Variants in CDC5L observed in about 807,000 individuals in gnomAD.
CDC5L encodes the protein cell division cycle 5 like, also known as cell division cycle 5-like protein.
CDC5L carries 18 observed loss-of-function variants against 104.1 expected under a neutral mutation model. That is an observed-to-expected ratio of 0.17 (90% CI 0.12 to 0.26). The LOEUF is 0.26. CDC5L is among the 10% of genes least tolerant of loss of function. CDC5L has a pLI of 1.00. For missense variants in CDC5L, 673 were observed against 956.9 expected (o/e 0.70, Z 3.91); for synonymous variants, 331 against 322.7 (o/e 1.03, Z -0.28).
intron 15 of CDC5L, 117 bp downstream of exon 15, chr6:44,445,984 A>C (rs1163450189): frequency 2.6e-6 from 2 of 772,876 alleles, no homozygotes; most frequent in African/African-American, 3.5e-5. Context: ...CAGGCTTTTA[A>C]AAATGAGAGC....
intron 4 of CDC5L, 50 bp downstream of exon 4, chr6:44,393,623 T>A (rs977587473): frequency 1.3e-6 from 2 of 1,559,792 alleles, no homozygotes; most frequent in Admixed American, 1.9e-5. Flanking sequence ...GTAAACTCCT[T>A]GGGCCTCACT....
intron 6 of CDC5L, among the ~76,000 whole-genome samples, chr6:44,406,014 GC>G (rs1791347930): frequency 6.6e-6 from 1 of 151,654 alleles, no homozygotes; most frequent in South Asian, 2.1e-4. Flanking sequence ...TGATTCTCCT[GC>G]CTCAGCCTCC....
chr6:44,446,764 TAGA>T lies in CDC5L; in HGVS notation c.*56_*58del. ...TAATTAATTGCCGGTTTTCATACTCTAGAAGGCTGAAACTGATGTTTATCTTCA... is the reference window on the plus strand; with the variant it reads ...TAATTAATTGCCGGTTTTCATACTCTAGGCTGAAACTGATGTTTATCTTCA... On this transcript the variant is annotated 3_prime_UTR_variant, in exon 16 of 16. Coordinates refer to ENST00000371477, the MANE Select transcript of CDC5L (RefSeq NM_001253.4). 1 of 868,148 alleles carries T rather than the reference TAGA, an allele frequency of 1.2e-6. No individual in the cohort carries two copies. The highest frequency in any genetic ancestry group is 1.8e-6 in the Non-Finnish European group (1 of 544,374). The allele number at this position is 868,148 out of a possible 1,614,324, so 53.8% of individuals were successfully genotyped here.
At chr6:44,419,321 C>G in intron 8 of CDC5L, 128 bp from the exon 9 acceptor site, 2 of 775,846 alleles carry the variant, frequency 2.6e-6, no homozygotes, top group Non-Finnish European at 4.2e-6. Context: ...TTCATTTTCT[C>G]TGTTAGCTTT....
chr6:44,438,184 G>A (rs1793023032), intron 14 of CDC5L, among the ~76,000 whole-genome samples: 1 of 152,188 alleles, frequency 6.6e-6, no homozygotes, highest in African/African-American at 2.4e-5. Context: ...CTGGGCTCAA[G>A]CGATCCACCT....
At chr6:44,419,323 G>A in intron 8 of CDC5L, 126 bp from the exon 9 acceptor site, 1 of 800,928 alleles carries the variant, frequency 1.2e-6, no homozygotes, top group Non-Finnish European at 2.0e-6. Context: ...CATTTTCTCT[G>A]TTAGCTTTCA....
chr6:44,427,332 GT>G (rs1402764979), intron 13 of CDC5L, among the ~76,000 whole-genome samples: 1 of 152,116 alleles, frequency 6.6e-6, no homozygotes, highest in Non-Finnish European at 1.5e-5. Context: ...CTCCATAATT[GT>G]ATAAGAAGAT....
At chr6:44,406,267 A>T in intron 6 of CDC5L, 56 bp from the exon 7 acceptor site, 1 of 1,276,914 alleles carries the variant, frequency 7.8e-7, no homozygotes, top group Non-Finnish European at 1.1e-6. Flanking sequence ...TATGGATTTT[A>T]ATGTTTTTGG....
chr6:44,401,718 T>C (rs1389050479), intron 5 of CDC5L, among the ~76,000 whole-genome samples: 1 of 151,638 alleles, frequency 6.6e-6, no homozygotes, highest in African/African-American at 2.4e-5. Context: ...GTTAGTTACA[T>C]ATGTATACAT....
rs559360331 is a variant in CDC5L, at chr6:44,429,084, C to T, written c.1894-629C>T. On this transcript the variant is annotated intron_variant, in intron 13 of 15. Coordinates refer to ENST00000371477, the MANE Select transcript of CDC5L (RefSeq NM_001253.4). Reference sequence around the variant, plus strand: ...TTGCACAGGCTGGGGTGCAGTGGCACGATCCCAGCTCACTGCAGCCTCCAC... The same window carrying T: ...TTGCACAGGCTGGGGTGCAGTGGCATGATCCCAGCTCACTGCAGCCTCCAC... Among the ~76,000 whole-genome samples, 26 of 145,922 alleles carry T rather than the reference C, an allele frequency of 1.8e-4. No homozygotes were observed. In the East Asian group the frequency reaches 1.8e-3, roughly 10 times the overall value.
intron 2 of CDC5L, among the ~76,000 whole-genome samples, chr6:44,390,961 CATATTTAATAT>C: frequency 8.2e-6 from 1 of 122,280 alleles, no homozygotes; most frequent in Non-Finnish European, 1.7e-5. Flanking sequence ...ATATATTAAA[CATATTTAATAT>C]GTTATATATT....
In CDC5L at chr6:44,450,315, C is replaced by CA. The variant is rs1793598621; in HGVS notation, c.*3605dup. On this transcript the variant is annotated 3_prime_UTR_variant, in exon 16 of 16. Coordinates refer to ENST00000371477, the MANE Select transcript of CDC5L (RefSeq NM_001253.4). ...TGTACTTACAGAACTTTTGAGTTCA[C>CA]AGTGCTTTCTGGAAATAATTTCTTT... 6.6e-6 allele frequency: 1 copy of CA among 152,188 alleles called. No individual in the cohort carries two copies. The allele number at this position is 152,188 out of a possible 1,614,324, so 9.4% of individuals were successfully genotyped here.
At chr6:44,410,244 A>C (rs929107839) in intron 8 of CDC5L, among the ~76,000 whole-genome samples, 1 of 152,070 alleles carries the variant, frequency 6.6e-6, no homozygotes, top group South Asian at 2.1e-4. Flanking sequence ...CTCAGCCTCT[A>C]GTAACCACCA....
intron 2 of CDC5L, 93 bp from the exon 3 acceptor site, chr6:44,392,574 A>C (rs1790670943): frequency 8.9e-7 from 1 of 1,120,116 alleles, no homozygotes; most frequent in South Asian, 1.5e-5. Context: ...TTTGTAATTG[A>C]AGGATGAGAG....
intron 14 of CDC5L, among the ~76,000 whole-genome samples, chr6:44,438,665 C>CTT (rs749816182): frequency 0.011 from 1,216 of 106,228 alleles, 13 homozygotes; most frequent in Middle Eastern, 0.067. Flanking sequence ...GAAGTTTTGT[C>CTT]TTTTTTTTTT....
At chr6:44,395,097 A>G (rs1285540335) in intron 4 of CDC5L, among the ~76,000 whole-genome samples, 1 of 152,172 alleles carries the variant, frequency 6.6e-6, no homozygotes, top group African/African-American at 2.4e-5. Flanking sequence ...AGAGTGATAG[A>G]TGCCAGAGGC....
rs574108153 is a variant in CDC5L at position 44,427,818 on chromosome 6, T to C, written c.1893+1094T>C. Among the ~76,000 whole-genome samples the C allele has an allele frequency of 2.6e-5, 4 of 152,222 alleles. No individual in the cohort carries two copies. In the South Asian group the frequency reaches 6.2e-4, roughly 24 times the overall value. ...GTTTCCTCTTTTGAAAGTGAAAATA[T>C]GAGGGGAAGAGGAATTTAGGAAATA... On this transcript the variant is annotated intron_variant, in intron 13 of 15. Coordinates refer to ENST00000371477, the MANE Select transcript of CDC5L (RefSeq NM_001253.4).
chr6:44,410,883 C>T (rs1278258521), intron 8 of CDC5L, among the ~76,000 whole-genome samples: 4 of 151,826 alleles, frequency 2.6e-5, no homozygotes, highest in Non-Finnish European at 4.4e-5. Context: ...AATTCCTCTG[C>T]AGTTTTCTAT....
rs57508430 is a variant in CDC5L, at chr6:44,394,891, TACACACACACACAC to T, written c.439+1333_439+1346del. Among the ~76,000 whole-genome samples the T allele has an allele frequency of 4.0e-5, 5 of 125,992 alleles. No homozygotes were observed. The South Asian group carries it at 1.1e-3, about 29-fold the overall frequency. The allele number at this position is 125,992 out of a possible 152,430, so 82.7% of individuals were successfully genotyped here. The stretch of plus-strand genomic sequence containing the variant: ...AAAAAAAAAAAAAAAAAAAATGGTA[TACACACACACACAC>T]ACACACACACACACGAATACTATTT... On this transcript the variant is annotated intron_variant, in intron 4 of 15. Transcript: ENST00000371477.
Sources: allele counts gnomAD v4.1 joint callset (sites outside exome capture counted in the v4.1 genomes callset), GRCh38; gene constraint gnomAD v4.1.1; transcripts MANE v1.5; gene names NCBI Gene and HGNC (gene_info 2026-07-23, HGNC 2026-07-21).